The following MYO9B variants were observed in gnomAD, a reference collection of about 807,000 sequenced individuals.
MYO9B encodes the protein myosin IXB.
Under a neutral mutation model 229.5 loss-of-function variants are expected in MYO9B, and 71 were observed. That is an observed-to-expected ratio of 0.31 (90% confidence interval 0.26 to 0.38). The LOEUF is 0.38. MYO9B is among the 10% of genes least tolerant of loss of function. The pLI is 1.00. For missense variants in MYO9B, 2,255 were observed against 2,920.5 expected, an observed-to-expected ratio of 0.77 and a Z score of 5.25; for synonymous variants, 1,185 against 1,235.8, an observed-to-expected ratio of 0.96 and a Z score of 0.86.
chr19:17,201,329 G>T (rs1014254534), intron 26 of MYO9B, among the ~76,000 whole-genome samples: 9 of 138,680 alleles, frequency 6.5e-5, no homozygotes, highest in South Asian at 2.7e-4. Flanking sequence ...CTGCCCTCAG[G>T]AGGGTTATAC....
chr19:17,204,270 G>A (rs1039729185), intron 30 of MYO9B, among the ~76,000 whole-genome samples: 1 of 151,718 alleles, frequency 6.6e-6, no homozygotes, highest in Non-Finnish European at 1.5e-5. Context: ...GGGATTCAGT[G>A]TGGTTGGAAG....
At chr19:17,181,992 G>T (rs1282122986) in intron 15 of MYO9B, among the ~76,000 whole-genome samples, 1 of 151,538 alleles carries the variant, frequency 6.6e-6, no homozygotes, top group Admixed American at 6.6e-5. Flanking sequence ...GGCCAGGCTA[G>T]TCTTGAACTC....
At chr19:17,177,373 T>C (rs2072802289) in intron 14 of MYO9B, 1 of 152,076 alleles carries the variant, frequency 6.6e-6, no homozygotes, top group African/African-American at 2.4e-5. Context: ...TGTTTTGTTT[T>C]GTTTTGCTTG....
intron 3 of MYO9B, 128 bp from the exon 4 acceptor site, chr19:17,152,516 T>C (rs775293241): frequency 1.9e-5 from 13 of 674,540 alleles, no homozygotes; most frequent in Non-Finnish European, 2.1e-5. Flanking sequence ...TGAGCCGAGA[T>C]TGTGCCGTTG....
chr19:17,169,810 T>TCC (rs1469099959), intron 11 of MYO9B, among the ~76,000 whole-genome samples: 2,350 of 136,634 alleles, frequency 0.017, 55 homozygotes, highest in Non-Finnish European at 0.027. Flanking sequence ...TCCTTTTTTT[T>TCC]TTTTTTTTTT....
At chr19:17,107,434 T>G (rs1424387172) in intron 2 of MYO9B, among the ~76,000 whole-genome samples, 1 of 152,160 alleles carries the variant, frequency 6.6e-6, no homozygotes, top group Non-Finnish European at 1.5e-5. Context: ...TCAGGGTCCA[T>G]GTCCTCCCCA....
intron 2 of MYO9B, among the ~76,000 whole-genome samples, chr19:17,145,011 C>T (rs1013181269): frequency 6.7e-6 from 1 of 149,852 alleles, no homozygotes; most frequent in African/African-American, 2.4e-5. Flanking sequence ...AAAATAGAGA[C>T]TGGGCACAGT....
rs1234481263 is a variant in MYO9B at position 17,167,945 on chromosome 19, G to A, written c.1674G>A (p.Glu558=). ...CCGACCCCGCGCCACCCCTGCAGGA[G>A]GAATATCAGGGCGAGGGGATCACGT... ...FNQHIFKLEQ[E]EYQGEGITWH... The change falls in exon 11 of 40, where the codon GAG becomes GAA. Residue 558 remains glutamate (E), a splice_region_variant and synonymous_variant. Transcript: ENST00000682292. 2 of 1,567,604 alleles carry A rather than the reference G, an allele frequency of 1.3e-6. No homozygotes were observed. The highest frequency in any genetic ancestry group is 8.7e-7 in the Non-Finnish European group (1 of 1,156,024).
intron 2 of MYO9B, among the ~76,000 whole-genome samples, chr19:17,119,586 C>T (rs965112737): frequency 6.6e-6 from 1 of 152,242 alleles, no homozygotes; most frequent in Admixed American, 6.5e-5. Context: ...GTAATCCCAG[C>T]ACTTCAGGAG....
intron 33 of MYO9B, 24 bp from the exon 34 acceptor site, chr19:17,206,655 G>A (rs1415994074): frequency 1.9e-6 from 3 of 1,550,674 alleles, no homozygotes; most frequent in Admixed American, 2.0e-5. Flanking sequence ...GGGAGCTGAC[G>A]TCCTCAAACC....
At chr19:17,175,234 T>C (rs1444198213) in intron 13 of MYO9B, among the ~76,000 whole-genome samples, 1 of 148,808 alleles carries the variant, frequency 6.7e-6, no homozygotes, top group Admixed American at 6.8e-5. Flanking sequence ...ATCGCACCAC[T>C]GCACTCGGCC....
chr19:17,172,857 C>G lies in MYO9B; in HGVS notation c.2034C>G (p.Asp678Glu). 1 of 1,609,398 alleles carries G rather than the reference C, an allele frequency of 6.2e-7. No homozygotes were observed. The highest frequency in any genetic ancestry group is 8.5e-7 in the Non-Finnish European group (1 of 1,179,794). The change falls in exon 13 of 40, where the codon GAC becomes GAG. Residue 678 changes from aspartate to glutamate, a missense_variant. Physicochemically the swap from Asp to Glu is conservative, Grantham distance 45 (BLOSUM62 2). Coordinates refer to ENST00000682292, the MANE Select transcript of MYO9B (RefSeq NM_004145.4). The surrounding 1 kb of genome is among the most constrained non-coding windows in gnomAD (Gnocchi z 8.2). Reference sequence around the variant, plus strand: ...ACGTGCGGGAGCTCATCGGCATGGACCCCGTGGCCGTGTTCCGCTGGGCCG... The same window carrying G: ...ACGTGCGGGAGCTCATCGGCATGGAGCCCGTGGCCGTGTTCCGCTGGGCCG... ...SSYVRELIGMDPVAVFRWAVL... is the reference protein window; with the variant it reads ...SSYVRELIGMEPVAVFRWAVL...
intron 8 of MYO9B, among the ~76,000 whole-genome samples, chr19:17,160,174 C>T (rs11673553): frequency 3.3e-5 from 5 of 152,234 alleles, no homozygotes; most frequent in Admixed American, 1.3e-4. Context: ...ATTTTTAGCC[C>T]CTCACCCGAT....
intron 11 of MYO9B, among the ~76,000 whole-genome samples, chr19:17,169,167 T>G (rs953717861): frequency 2.7e-5 from 4 of 150,756 alleles, no homozygotes; most frequent in Admixed American, 1.3e-4. Flanking sequence ...AGGTCAGGAG[T>G]TGGAGACCAG....
chr19:17,109,091 G>T (rs2057822497), intron 2 of MYO9B, among the ~76,000 whole-genome samples: 1 of 143,622 alleles, frequency 7.0e-6, no homozygotes, highest in Non-Finnish European at 1.5e-5. Context: ...TTTTGAAACA[G>T]AGTTTCTCTC....
chr19:17,185,389 A>G (rs1037184289), intron 17 of MYO9B, among the ~76,000 whole-genome samples: 3 of 150,406 alleles, frequency 2.0e-5, no homozygotes, highest in Admixed American at 2.0e-4. Context: ...AAAAAAAAAA[A>G]GATACAAAAA....
intron 20 of MYO9B, among the ~76,000 whole-genome samples, chr19:17,191,655 C>T (rs1306343313): frequency 6.6e-6 from 1 of 152,126 alleles, no homozygotes; most frequent in Non-Finnish European, 1.5e-5. Context: ...CAAGGTCAGT[C>T]CCCCTGAAGG....
At position 17,172,121 on chromosome 19, in the gene MYO9B, A is replaced by G. The variant is rs1051778693; in HGVS notation, c.1794-215A>G. 1.3e-5 allele frequency among the ~76,000 whole-genome samples: 2 copies of G among 152,098 alleles called. No homozygotes were observed. Among genetic ancestry groups the G allele is most frequent in the African/African-American group, 2.4e-5 (1 of 41,420 alleles). ...GATAGCAGCGTCCCAGCCCTCTGCC[A>G]GCATGTTCGGCATGAGGCAGGCAGG... On this transcript the variant is annotated intron_variant, in intron 11 of 39. Coordinates refer to ENST00000682292, the MANE Select transcript of MYO9B (RefSeq NM_004145.4). This position sits in a 1 kb window ranked among gnomAD's most constrained non-coding sequence, Gnocchi z 8.2.
At chr19:17,132,620 C>T (rs907841971) in intron 2 of MYO9B, among the ~76,000 whole-genome samples, 5 of 148,812 alleles carry the variant, frequency 3.4e-5, no homozygotes, top group African/African-American at 1.2e-4. Flanking sequence ...GCTCCACCTC[C>T]CAGGTTCGTG....
Sources: allele counts gnomAD v4.1 joint callset (sites outside exome capture counted in the v4.1 genomes callset), GRCh38; gene constraint gnomAD v4.1.1; non-coding constraint Gnocchi (gnomAD v3.1); transcripts MANE v1.5; gene names NCBI Gene and HGNC (gene_info 2026-07-23, HGNC 2026-07-21).